SLC5A10: variants seen among roughly 807,000 people sequenced by gnomAD.
The protein encoded by SLC5A10 is sodium/mannose cotransporter SLC5A10.
In SLC5A10, 55 loss-of-function variants were observed where a neutral mutation model predicts 68.9. The ratio of observed to expected loss-of-function variants is 0.80; its 90% confidence interval spans 0.64 to 1.00. The LOEUF is 1.00. Ranked by LOEUF, SLC5A10 falls within the 50% of genes least tolerant of loss-of-function variation. SLC5A10 has a pLI of 0.00. For missense variants in SLC5A10, 732 were observed against 819.3 expected (o/e 0.89, Z 1.30); for synonymous variants, 344 against 344.8 (o/e 1.00, Z 0.02).
chr17:18,984,798 T>G (rs997809627), intron 9 of SLC5A10, among the ~76,000 whole-genome samples: 2 of 151,988 alleles, frequency 1.3e-5, no homozygotes, highest in African/African-American at 2.4e-5. Context: ...CCCTAGAGGG[T>G]GTCAGTGAAA....
At chr17:18,986,615 A>C (rs1597866113) in intron 9 of SLC5A10, among the ~76,000 whole-genome samples, 1 of 152,346 alleles carries the variant, frequency 6.6e-6, no homozygotes, top group African/African-American at 2.4e-5. Flanking sequence ...GAACTCTGCA[A>C]GCAGCGGAGC....
chr17:18,978,242 C>T, intron 9 of SLC5A10: 1 of 1,594,132 alleles, frequency 6.3e-7, no homozygotes, highest in South Asian at 1.1e-5. Context: ...TGGGGGAGGG[C>T]AAGGCTCTGG....
rs773937697 is a variant in SLC5A10 at position 18,976,863 on chromosome 17, C to T, written c.856C>T (p.Gln286Ter). The change falls in exon 9 of 15, where the codon CAG becomes TAG. Residue 286 changes from glutamine to a stop codon, truncating the protein, a stop_gained. Coordinates refer to ENST00000395645, the MANE Select transcript of SLC5A10 (RefSeq NM_001042450.4). LOFTEE classifies it high-confidence loss of function. ...WYWCTDQVIV[Q>*]RSLSARDLNH... The stretch of plus-strand genomic sequence containing the variant: ...CGCACTCCACCCCCAGGTCATCGTG[C>T]AGCGATCACTGTCAGCCCGGGACCT... 8 of 1,613,410 alleles carry T rather than the reference C, an allele frequency of 5.0e-6. No individual in the cohort carries two copies.
intron 7 of SLC5A10, chr17:18,970,230 G>A (rs2042806969): frequency 6.6e-6 from 1 of 152,286 alleles, no homozygotes; most frequent in Non-Finnish European, 1.5e-5. Context: ...TAGGGCCTGG[G>A]GTGGAAACGG....
chr17:18,995,265 AAGTT>A (rs1352603923), intron 9 of SLC5A10, among the ~76,000 whole-genome samples: 1 of 152,244 alleles, frequency 6.6e-6, no homozygotes, highest in East Asian at 1.9e-4. Flanking sequence ...TGTGTTCAAA[AAGTT>A]AGGTAGAGAT....
intron 9 of SLC5A10, among the ~76,000 whole-genome samples, chr17:18,980,263 C>T (rs2043096468): frequency 6.6e-6 from 1 of 152,152 alleles, no homozygotes; most frequent in Admixed American, 6.5e-5. Context: ...TCACAGCAAA[C>T]CTTTCTCCTT....
chr17:18,999,798 A>G (rs569208156), intron 9 of SLC5A10, among the ~76,000 whole-genome samples: 1 of 152,272 alleles, frequency 6.6e-6, no homozygotes, highest in East Asian at 1.9e-4. Context: ...GCATGCAGAG[A>G]TCAGTGTTCT....
At chr17:18,989,062 C>T (rs2043343524) in intron 9 of SLC5A10, among the ~76,000 whole-genome samples, 1 of 152,222 alleles carries the variant, frequency 6.6e-6, no homozygotes, top group Non-Finnish European at 1.5e-5. Flanking sequence ...TAGTCCCCTC[C>T]CTGTCCCTTG....
intron 7 of SLC5A10, chr17:18,969,714 C>A (rs983801234): frequency 2.7e-6 from 1 of 372,014 alleles, no homozygotes. Context: ...ATTGGCTCAG[C>A]GCTTGATGGT....
chr17:18,969,516 TG>T, intron 7 of SLC5A10, 94 bp downstream of exon 7: 1 of 1,216,240 alleles, frequency 8.2e-7, no homozygotes. Context: ...TTCATGCCGT[TG>T]GGGTTCTGGG....
At chr17:18,969,027 C>T in intron 5 of SLC5A10, 25 bp from the exon 6 acceptor site, 1 of 1,601,778 alleles carries the variant, frequency 6.2e-7, no homozygotes, top group African/African-American at 1.3e-5. Flanking sequence ...ATAACAGTCC[C>T]ACACAAGGCT....
chr17:19,020,516 G>A lies in SLC5A10; in HGVS notation c.*85G>A. Reference sequence around the variant, plus strand: ...CATGGGGATCCCGAGGCCCCAAGAGGGGCAGATTCCCCTCACAGCTGCACA... The same window carrying A: ...CATGGGGATCCCGAGGCCCCAAGAGAGGCAGATTCCCCTCACAGCTGCACA... On this transcript the variant is annotated 3_prime_UTR_variant, in exon 15 of 15. Coordinates refer to ENST00000395645, the MANE Select transcript of SLC5A10 (RefSeq NM_001042450.4). 7.6e-7 allele frequency: 1 copy of A among 1,321,092 alleles called. No homozygotes were observed. Among genetic ancestry groups the A allele is most frequent in the South Asian group, 1.3e-5 (1 of 79,232 alleles). 81.8% of individuals were successfully genotyped at this position (1,321,092 alleles called of 1,614,324 possible).
At chr17:18,992,290 T>C (rs547166364) in intron 9 of SLC5A10, among the ~76,000 whole-genome samples, 29 of 152,142 alleles carry the variant, frequency 1.9e-4, no homozygotes, top group African/African-American at 7.0e-4. Context: ...TCCGCCTCCA[T>C]GTGAGAGATG....
chr17:18,978,217 G>C lies in SLC5A10; in HGVS notation c.982+1228G>C, dbSNP rs1363327750. 14 of 1,577,324 alleles carry C rather than the reference G, an allele frequency of 8.9e-6. No homozygotes were observed. The East Asian group carries it at 2.9e-4, about 33-fold the overall frequency. On this transcript the variant is annotated intron_variant, in intron 9 of 14. Coordinates refer to ENST00000395645, the MANE Select transcript of SLC5A10 (RefSeq NM_001042450.4). ...CGTTCTCAGCTGGGACACCGTCCTGGGGGGCACTGGGCTCTGGGGGAGGGC... is the reference window on the plus strand; with the variant it reads ...CGTTCTCAGCTGGGACACCGTCCTGCGGGGCACTGGGCTCTGGGGGAGGGC...
At chr17:18,978,416 G>C (rs1278814660) in intron 9 of SLC5A10, 2 of 1,593,464 alleles carry the variant, frequency 1.3e-6, no homozygotes, top group Non-Finnish European at 1.7e-6. Flanking sequence ...CTCCGGGTCT[G>C]GCTCCACCCA....
At chr17:18,975,455 C>G (rs1045908815) in intron 8 of SLC5A10, among the ~76,000 whole-genome samples, 1 of 151,994 alleles carries the variant, frequency 6.6e-6, no homozygotes, top group Non-Finnish European at 1.5e-5. Flanking sequence ...TTTGGGAGGC[C>G]GAGGCGGGCA....
rs74916426 is a variant in SLC5A10, at chr17:19,005,107, G to A, written c.983-8303G>A. Among the ~76,000 whole-genome samples the A allele has an allele frequency of 0.011, 1,644 of 152,324 alleles. 122 individuals carry two copies. In the East Asian group the frequency reaches 0.19, roughly 18 times the overall value. On this transcript the variant is annotated intron_variant, in intron 9 of 14. Transcript: ENST00000395645. ...CCCAGTTTCGCCGGCGTGGCGGGAA[G>A]TCCGTGCGGCTGTATAGATACCCAG...
intron 1 of SLC5A10, chr17:18,952,588 T>A: frequency 2.8e-6 from 1 of 356,270 alleles, no homozygotes; most frequent in Non-Finnish European, 5.2e-6. Flanking sequence ...GCTGCCCAGC[T>A]GGAGTCCTTG....
intron 9 of SLC5A10, among the ~76,000 whole-genome samples, chr17:18,985,778 G>A (rs1007771661): frequency 1.9e-4 from 29 of 152,206 alleles, no homozygotes; most frequent in African/African-American, 5.8e-4. Context: ...CTGGGGAAGC[G>A]AGGCGGCTGA....
Sources: allele counts gnomAD v4.1 joint callset (sites outside exome capture counted in the v4.1 genomes callset), GRCh38; gene constraint gnomAD v4.1.1; transcripts MANE v1.5; gene names NCBI Gene and HGNC (gene_info 2026-07-23, HGNC 2026-07-21).